Variants in CERKL observed in about 807,000 individuals in gnomAD.
CERKL encodes the protein CERK like autophagy regulator, also known as ceramide kinase-like protein.
A neutral mutation model predicts 63.4 loss-of-function variants in CERKL; 61 were observed. That is an observed-to-expected ratio of 0.96 (90% CI 0.78 to 1.19). The LOEUF (loss-of-function observed/expected upper bound fraction) is 1.19, where lower values mean the gene tolerates loss of function less well. Ranked by LOEUF, CERKL falls within the 50% of genes most tolerant of loss-of-function variation. CERKL has a pLI of 0.00. For synonymous variants in CERKL, 250 were observed against 230.5 expected (o/e 1.08, Z -0.77); for missense variants, 675 against 655.5 (o/e 1.03, Z -0.33).
intron 2 of CERKL, among the ~76,000 whole-genome samples, chr2:181,599,535 T>A (rs1685370347): frequency 6.7e-6 from 1 of 148,348 alleles, no homozygotes; most frequent in Admixed American, 6.8e-5. Context: ...AGACTCCATC[T>A]CAAAACAAAA....
chr2:181,547,573 G>A (rs1687780604), intron 10 of CERKL, 45 bp downstream of exon 10: 3 of 1,511,728 alleles, frequency 2.0e-6, no homozygotes, highest in African/African-American at 2.8e-5. Flanking sequence ...AAAAAAAATG[G>A]TCTATAAGAA....
intron 1 of CERKL, among the ~76,000 whole-genome samples, chr2:181,639,636 A>G (rs1687335119): frequency 6.6e-6 from 1 of 152,176 alleles, no homozygotes; most frequent in Non-Finnish European, 1.5e-5. Context: ...CCACCAACTC[A>G]GATGTCAGAT....
chr2:181,605,243 G>T (rs1250815054), intron 1 of CERKL, among the ~76,000 whole-genome samples: 1 of 152,202 alleles, frequency 6.6e-6, no homozygotes, highest in Non-Finnish European at 1.5e-5. Context: ...ATCTCCCTGA[G>T]TTAAGGAGAA....
Position 181,649,063 on chromosome 2 carries a change from C to T in CERKL, c.238+7706G>A, listed in dbSNP as rs118094223. Among the ~76,000 whole-genome samples the T allele has an allele frequency of 3.9e-5, 6 of 152,142 alleles. No homozygotes were observed. In the East Asian group the frequency reaches 1.2e-3, roughly 29 times the overall value. ...AGTAACAAAATGGGAGAAATAAGTTCTTATCAATAAAAACCTTGAATGTAA... is the reference window on the plus strand; with the variant it reads ...AGTAACAAAATGGGAGAAATAAGTTTTTATCAATAAAAACCTTGAATGTAA... On this transcript the variant is annotated intron_variant, in intron 1 of 12. Coordinates refer to ENST00000410087, the MANE Select transcript of CERKL (RefSeq NM_201548.5).
intron 2 of CERKL, among the ~76,000 whole-genome samples, chr2:181,580,532 CA>C (rs1479327324): frequency 6.6e-6 from 1 of 152,032 alleles, no homozygotes; most frequent in East Asian, 1.9e-4. Flanking sequence ...TTAGTTCCAC[CA>C]GAAAAATTTG....
chr2:181,635,520 T>G (rs1687140560), intron 1 of CERKL, among the ~76,000 whole-genome samples: 1 of 152,136 alleles, frequency 6.6e-6, no homozygotes, highest in South Asian at 2.1e-4. Flanking sequence ...ATCTGTATGA[T>G]GAAAACCACA....
At chr2:181,618,584 AT>A (rs1345660748) in intron 1 of CERKL, among the ~76,000 whole-genome samples, 1 of 151,632 alleles carries the variant, frequency 6.6e-6, no homozygotes, top group Non-Finnish European at 1.5e-5. Flanking sequence ...CACCTGGCTA[AT>A]TTTTGTATTT....
chr2:181,560,709 A>C (rs983151876), intron 4 of CERKL, among the ~76,000 whole-genome samples: 2 of 152,186 alleles, frequency 1.3e-5, no homozygotes, highest in African/African-American at 2.4e-5. Context: ...ATTTGAAATA[A>C]GACATTTTGG....
chr2:181,604,094 A>T lies in CERKL; in HGVS notation c.239-15T>A. 3 of 1,575,332 alleles carry T rather than the reference A, an allele frequency of 1.9e-6. No individual in the cohort carries two copies. Among genetic ancestry groups the T allele is most frequent in the Non-Finnish European group, 2.6e-6 (3 of 1,149,680 alleles). On this transcript the variant is annotated splice_polypyrimidine_tract_variant and intron_variant, in intron 1 of 12. Coordinates refer to ENST00000410087, the MANE Select transcript of CERKL (RefSeq NM_201548.5). ...CTTAGAATCACCTGAAAAAAAAATAAATTTTCCAATTAAAACCATTGTGTT... is the reference window on the plus strand; with the variant it reads ...CTTAGAATCACCTGAAAAAAAAATATATTTTCCAATTAAAACCATTGTGTT...
rs1048222074 is a variant in CERKL, at chr2:181,548,332, G to A, written c.1133+213C>T. Reference sequence around the variant, plus strand: ...AACGGAAGGAGGGAGGGAGAGACAGGGGGAAGGAAGGGAGGAAAGAAGGAA... The same window carrying A: ...AACGGAAGGAGGGAGGGAGAGACAGAGGGAAGGAAGGGAGGAAAGAAGGAA... On this transcript the variant is annotated intron_variant, in intron 8 of 12. Coordinates refer to ENST00000410087, the MANE Select transcript of CERKL (RefSeq NM_201548.5). 60 of 568,344 alleles carry A rather than the reference G, an allele frequency of 1.1e-4. No homozygotes were observed. The East Asian group carries it at 1.3e-3, about 12-fold the overall frequency. 35.2% of individuals were successfully genotyped at this position (568,344 alleles called of 1,614,324 possible). A position where few individuals can be genotyped will look rare whatever the true frequency, so the allele number is the denominator to read the frequency against.
intron 2 of CERKL, among the ~76,000 whole-genome samples, chr2:181,587,425 G>T (rs1232504273): frequency 6.6e-6 from 1 of 152,124 alleles, no homozygotes; most frequent in Non-Finnish European, 1.5e-5. Context: ...AGAGAACAGC[G>T]AAGAAGAAAA....
intron 2 of CERKL, among the ~76,000 whole-genome samples, chr2:181,582,939 CT>C (rs1684592105): frequency 6.6e-6 from 1 of 152,174 alleles, no homozygotes; most frequent in African/African-American, 2.4e-5. Flanking sequence ...TATCCACAGT[CT>C]TGCCCATCTC....
At chr2:181,646,487 C>T (rs1687677901) in intron 1 of CERKL, among the ~76,000 whole-genome samples, 1 of 152,160 alleles carries the variant, frequency 6.6e-6, no homozygotes, top group South Asian at 2.1e-4. Flanking sequence ...AGTTAGTCTA[C>T]GGAGCAAGGA....
chr2:181,553,147 TAA>T (rs1217475672), intron 5 of CERKL, among the ~76,000 whole-genome samples: 2 of 152,182 alleles, frequency 1.3e-5, no homozygotes, highest in African/African-American at 4.8e-5. Flanking sequence ...CTATGGACCC[TAA>T]GTTTTGAGAA....
At chr2:181,590,201 G>A (rs534813627) in intron 2 of CERKL, among the ~76,000 whole-genome samples, 3 of 151,666 alleles carry the variant, frequency 2.0e-5, no homozygotes, top group Admixed American at 6.6e-5. Flanking sequence ...GCAGTGGCAC[G>A]ATCTTGACTC....
In CERKL at chr2:181,549,622, A is replaced by T; in HGVS notation, c.895+12T>A. ...CCTTATAAAATATGAACTGCTTTGG[A>T]AGAATTCTTACCCATTATAATGTGC... is the stretch of plus-strand genomic sequence containing the variant. On this transcript the variant is annotated intron_variant, in intron 6 of 12. Transcript: ENST00000410087. 6.3e-7 allele frequency: 1 copy of T among 1,582,646 alleles called. No individual in the cohort carries two copies. The highest frequency in any genetic ancestry group is 8.7e-7 in the Non-Finnish European group (1 of 1,151,562).
intron 1 of CERKL, among the ~76,000 whole-genome samples, chr2:181,629,047 CTAATT>C (rs1415452949): frequency 6.6e-6 from 1 of 151,574 alleles, no homozygotes; most frequent in Admixed American, 6.6e-5. Context: ...GAAGCAAATT[CTAATT>C]TAACTATTTC....
At chr2:181,555,576 C>T (rs1256994935) in intron 5 of CERKL, among the ~76,000 whole-genome samples, 1 of 151,986 alleles carries the variant, frequency 6.6e-6, no homozygotes, top group Non-Finnish European at 1.5e-5. Context: ...ATCAACAATA[C>T]TAAGTATTCT....
chr2:181,643,720 C>T (rs1197287755), intron 1 of CERKL, among the ~76,000 whole-genome samples: 1 of 152,194 alleles, frequency 6.6e-6, no homozygotes, highest in East Asian at 1.9e-4. Context: ...TGAGATAGCA[C>T]TGTGAGCATT....
Sources: allele counts gnomAD v4.1 joint callset (sites outside exome capture counted in the v4.1 genomes callset), GRCh38; gene constraint gnomAD v4.1.1; transcripts MANE v1.5; gene names NCBI Gene and HGNC (gene_info 2026-07-23, HGNC 2026-07-21).